The following RGSL1 variants were observed in gnomAD, a reference collection of about 807,000 sequenced individuals.
RGSL1 encodes the protein regulator of G protein signaling like 1, also known as regulator of G protein signaling protein-like.
A neutral mutation model predicts 124.7 loss-of-function variants in RGSL1; 97 were observed. The ratio of observed to expected loss-of-function variants is 0.78; its 90% confidence interval spans 0.66 to 0.92. The LOEUF is 0.92. RGSL1 is among the 40% of genes least tolerant of loss of function. RGSL1 has a pLI of 0.00. For synonymous variants in RGSL1, 424 were observed against 438.1 expected (o/e 0.97, Z 0.40); for missense variants, 1,233 against 1,288.4 (o/e 0.96, Z 0.66).
At chr1:182,532,297 T>G (rs1659231617) in intron 13 of RGSL1, among the ~76,000 whole-genome samples, 1 of 152,220 alleles carries the variant, frequency 6.6e-6, no homozygotes, top group South Asian at 2.1e-4. Flanking sequence ...GTTTCCAAAT[T>G]TGCCTGAGCC....
At chr1:182,554,296 A>T (rs957336364) in intron 19 of RGSL1, among the ~76,000 whole-genome samples, 2 of 152,186 alleles carry the variant, frequency 1.3e-5, no homozygotes, top group African/African-American at 4.8e-5. Context: ...CCTGTGATCC[A>T]TAGGCTCCAA....
chr1:182,453,917 T>C, intron 1 of RGSL1, 41 bp from the exon 2 acceptor site: 1 of 1,079,250 alleles, frequency 9.3e-7, no homozygotes. Context: ...AATGCAATTC[T>C]GGTTCATGTT....
chr1:182,544,085 C>T (rs2102309017), intron 15 of RGSL1, among the ~76,000 whole-genome samples: 1 of 151,894 alleles, frequency 6.6e-6, no homozygotes, highest in Non-Finnish European at 1.5e-5. Flanking sequence ...TTGAGGGCAA[C>T]ATTAGGTTGT....
Position 182,453,980 on chromosome 1 carries a change from T to C in RGSL1, c.36T>C (p.Leu12=). 2.0e-6 allele frequency: 3 copies of C among 1,529,978 alleles called. 1 individual carries two copies. The South Asian group carries it at 3.6e-5, about 18-fold the overall frequency. 94.8% of individuals were successfully genotyped at this position (1,529,978 alleles called of 1,614,324 possible). The change falls in exon 2 of 22, where the codon CTT becomes CTC. Residue 12 remains leucine (L), a synonymous_variant. Coordinates refer to ENST00000294854, the MANE Select transcript of RGSL1 (RefSeq NM_001137669.2). ...SSAEIIGSTN[L]IILLEDEVFA... Reference sequence around the variant, plus strand: ...TAGAGATAATTGGTTCTACAAATCTTATAATTCTGCTAGAGGATGAAGTCT... The same window carrying C: ...TAGAGATAATTGGTTCTACAAATCTCATAATTCTGCTAGAGGATGAAGTCT...
intron 1 of RGSL1, chr1:182,450,495 TG>T: frequency 1.0e-5 from 4 of 387,952 alleles, no homozygotes; most frequent in Non-Finnish European, 1.9e-5. Context: ...TGATTTCATT[TG>T]TTGCCAAGTC....
chr1:182,457,215 C>A (rs1250246250), intron 2 of RGSL1, among the ~76,000 whole-genome samples: 1 of 152,148 alleles, frequency 6.6e-6, no homozygotes, highest in Non-Finnish European at 1.5e-5. Flanking sequence ...TAGGGCGGTT[C>A]TAGGAGCTGA....
intron 9 of RGSL1, among the ~76,000 whole-genome samples, chr1:182,496,070 G>A (rs1271053189): frequency 1.3e-5 from 2 of 152,272 alleles, no homozygotes; most frequent in Non-Finnish European, 2.9e-5. Flanking sequence ...GGCTATACAG[G>A]AAGCATAATG....
chr1:182,502,913 A>T (rs1571587611), intron 9 of RGSL1, among the ~76,000 whole-genome samples: 2 of 152,214 alleles, frequency 1.3e-5, no homozygotes, highest in Non-Finnish European at 2.9e-5. Flanking sequence ...CAAGGTGCCC[A>T]ACCTCATTGA....
intron 6 of RGSL1, among the ~76,000 whole-genome samples, chr1:182,480,464 T>G (rs996875218): frequency 4.6e-5 from 7 of 151,762 alleles, no homozygotes; most frequent in East Asian, 1.9e-4. Context: ...TTACAAGTTT[T>G]TTTTTTTTTT....
At chr1:182,502,893 A>G (rs1469133997) in intron 9 of RGSL1, among the ~76,000 whole-genome samples, 1 of 152,190 alleles carries the variant, frequency 6.6e-6, no homozygotes, top group Admixed American at 6.5e-5. Flanking sequence ...CTCAAAATTA[A>G]TGTACTTTTC....
chr1:182,551,712 C>G (rs187710333), intron 18 of RGSL1, among the ~76,000 whole-genome samples: 2 of 150,646 alleles, frequency 1.3e-5, no homozygotes, highest in Non-Finnish European at 2.9e-5. Context: ...TGTAAAAATT[C>G]GTAAAAAATA....
At chr1:182,468,943 A>G (rs1653582314) in intron 4 of RGSL1, among the ~76,000 whole-genome samples, 1 of 152,238 alleles carries the variant, frequency 6.6e-6, no homozygotes, top group African/African-American at 2.4e-5. Flanking sequence ...TTCAACAAAC[A>G]GTCCTGGGTA....
At chr1:182,501,534 G>A (rs1656386299) in intron 9 of RGSL1, among the ~76,000 whole-genome samples, 1 of 151,602 alleles carries the variant, frequency 6.6e-6, no homozygotes, top group African/African-American at 2.4e-5. Context: ...GTCTAGGATG[G>A]TCTTGAACTC....
chr1:182,461,656 G>C (rs1028647312), intron 4 of RGSL1, among the ~76,000 whole-genome samples: 1 of 151,944 alleles, frequency 6.6e-6, no homozygotes, highest in Non-Finnish European at 1.5e-5. Context: ...TATTAATACA[G>C]AGAAAAACCT....
rs1660761902 is a variant in RGSL1 at position 182,554,692 on chromosome 1, G to A, written c.3196G>A (p.Gly1066Arg). ...VSAMQLHPVQGQKLSYIKKEK is the reference protein window; with the variant it reads ...VSAMQLHPVQRQKLSYIKKEK ...TGCCATGCAGCTGCATCCCGTCCAG[G>A]GGTAGGCATGAGCTGGAAATCCTCT... The change falls in exon 20 of 22, where the codon GGA (glycine) becomes AGA (arginine). Residue 1066 changes from glycine to arginine, a missense_variant and splice_region_variant. Gly to Arg is a moderately radical substitution (Grantham distance 125). Coordinates refer to ENST00000294854, the MANE Select transcript of RGSL1 (RefSeq NM_001137669.2). The A allele has an allele frequency of 6.4e-7, 1 of 1,551,534 alleles. No homozygotes were observed. The highest frequency in any genetic ancestry group is 2.0e-5 in the Admixed American group (1 of 50,994).
At chr1:182,470,750 T>C (rs1161293021) in intron 4 of RGSL1, among the ~76,000 whole-genome samples, 1 of 152,178 alleles carries the variant, frequency 6.6e-6, no homozygotes, top group Non-Finnish European at 1.5e-5. Context: ...CCTATATTGG[T>C]ACCTGATACT....
rs889920188 is a variant in RGSL1 at position 182,488,952 on chromosome 1, C to A, written c.1495-28C>A. The A allele has an allele frequency of 6.5e-6, 10 of 1,526,928 alleles. No individual in the cohort carries two copies. In the Admixed American group the frequency reaches 8.0e-5, roughly 12 times the overall value. 94.6% of individuals were successfully genotyped at this position (1,526,928 alleles called of 1,614,324 possible). On this transcript the variant is annotated intron_variant, in intron 7 of 21. Transcript: ENST00000294854. Reference sequence around the variant, plus strand: ...TCTGGTCTAGTTCCTGTAACAAATGCCATCTTCCCCTCACCCTCTTCTCTT... The same window carrying A: ...TCTGGTCTAGTTCCTGTAACAAATGACATCTTCCCCTCACCCTCTTCTCTT...
At chr1:182,549,180 A>C in intron 17 of RGSL1, 1 of 200,574 alleles carries the variant, frequency 5.0e-6, no homozygotes, top group South Asian at 1.0e-4. Context: ...GACTAACACA[A>C]CTGCTTGTGC....
intron 4 of RGSL1, among the ~76,000 whole-genome samples, chr1:182,463,369 C>T (rs1475720005): frequency 6.6e-6 from 1 of 150,746 alleles, no homozygotes; most frequent in South Asian, 2.1e-4. Context: ...CAGAGATTGG[C>T]AGAATAAATT....
Sources: gnomAD v4.1 joint callset for allele counts (sites outside exome capture counted in the v4.1 genomes callset) on GRCh38, gnomAD v4.1.1 for gene constraint, MANE v1.5 for transcripts, NCBI Gene and HGNC (gene_info 2026-07-23, HGNC 2026-07-21) for gene names.